The following CCDC38 variants were observed in gnomAD, a reference collection of about 807,000 sequenced individuals.
CCDC38 encodes the protein coiled-coil domain-containing protein 38.
CCDC38 carries 69 observed loss-of-function variants against 72.8 expected under a neutral mutation model. The observed-to-expected ratio is 0.95, with a 90% CI of 0.78 to 1.16. CCDC38 has a LOEUF of 1.16. CCDC38 is among the 50% of genes most tolerant of loss of function. The probability of loss-of-function intolerance (pLI) is 0.00; values close to 1 mark genes in which losing one functional copy is unlikely to be tolerated. For missense variants in CCDC38, 626 were observed against 638.9 expected (o/e 0.98, Z 0.22); for synonymous variants, 201 against 213.2 (o/e 0.94, Z 0.50).
intron 13 of CCDC38, among the ~76,000 whole-genome samples, chr12:95,873,678 T>C (rs2079606070): frequency 6.6e-6 from 1 of 152,232 alleles, no homozygotes; most frequent in Non-Finnish European, 1.5e-5. Flanking sequence ...CCCCATTTCC[T>C]GCTTCCACTC....
At chr12:95,917,981 T>C (rs2080164701) in intron 3 of CCDC38, among the ~76,000 whole-genome samples, 1 of 152,156 alleles carries the variant, frequency 6.6e-6, no homozygotes, top group Non-Finnish European at 1.5e-5. Flanking sequence ...TCATTCATCT[T>C]CTCTCAATTT....
intron 2 of CCDC38, among the ~76,000 whole-genome samples, chr12:95,926,233 T>C (rs2080269273): frequency 1.3e-5 from 2 of 148,860 alleles, no homozygotes; most frequent in Admixed American, 1.3e-4. Flanking sequence ...GTTATTGGTC[T>C]ATTCAGAGAT....
intron 10 of CCDC38, chr12:95,885,728 G>A (rs977035021): frequency 2.0e-5 from 3 of 152,382 alleles, no homozygotes; most frequent in African/African-American, 7.2e-5. Flanking sequence ...CCCACACAAA[G>A]TAAAACATGT....
At chr12:95,915,538 C>CA (rs2080135610) in intron 4 of CCDC38, among the ~76,000 whole-genome samples, 1 of 152,156 alleles carries the variant, frequency 6.6e-6, no homozygotes, top group South Asian at 2.1e-4. Context: ...ACTGCATACA[C>CA]AAAAAATTAA....
chr12:95,889,526 A>AC (rs914544610), intron 9 of CCDC38, among the ~76,000 whole-genome samples: 1 of 152,178 alleles, frequency 6.6e-6, no homozygotes, highest in Non-Finnish European at 1.5e-5. Flanking sequence ...AAGTGGCCTC[A>AC]CAACACAAAA....
intron 2 of CCDC38, among the ~76,000 whole-genome samples, chr12:95,929,765 C>A (rs1307353131): frequency 1.3e-5 from 2 of 152,152 alleles, no homozygotes; most frequent in East Asian, 3.8e-4. Flanking sequence ...TAAGATATCA[C>A]AAAATTGGTA....
At chr12:95,867,630 A>T (rs2079535719) in intron 15 of CCDC38, among the ~76,000 whole-genome samples, 1 of 152,200 alleles carries the variant, frequency 6.6e-6, no homozygotes, top group African/African-American at 2.4e-5. Context: ...AAGTCCAGAA[A>T]ACCATGTACC....
At chr12:95,883,762 C>T (rs1471804558) in intron 10 of CCDC38, among the ~76,000 whole-genome samples, 1 of 152,138 alleles carries the variant, frequency 6.6e-6, no homozygotes, top group Non-Finnish European at 1.5e-5. Flanking sequence ...TGTTGGGGCA[C>T]TCAATAAGTA....
chr12:95,869,451 T>C lies in CCDC38; in HGVS notation c.1578+29A>G, dbSNP rs746991298. On this transcript the variant is annotated intron_variant, in intron 15 of 15. Coordinates refer to ENST00000344280, the MANE Select transcript of CCDC38 (RefSeq NM_182496.3). ...TTGTATTTTGTATCACATATTGATATGGCTGGATCTATTAATAGCAAAACA... is the reference window on the plus strand; with the variant it reads ...TTGTATTTTGTATCACATATTGATACGGCTGGATCTATTAATAGCAAAACA... 6 of 1,529,080 alleles carry C rather than the reference T, an allele frequency of 3.9e-6. 1 individual carries two copies. The South Asian group carries it at 4.6e-5, about 12-fold the overall frequency. The allele number at this position is 1,529,080 out of a possible 1,614,324, so 94.7% of individuals were successfully genotyped here.
In CCDC38 at chr12:95,928,797, C is replaced by T. The variant is rs1472665921; in HGVS notation, c.37+7676G>A. Reference sequence around the variant, plus strand: ...CTGCAGGTCTGTTGGAGTACCCGGCCGTGTGAGGTGTCAGTGTGCCCCTGC... The same window carrying T: ...CTGCAGGTCTGTTGGAGTACCCGGCTGTGTGAGGTGTCAGTGTGCCCCTGC... On this transcript the variant is annotated intron_variant, in intron 2 of 15. Coordinates refer to ENST00000344280, the MANE Select transcript of CCDC38 (RefSeq NM_182496.3). Among the ~76,000 whole-genome samples the T allele has an allele frequency of 7.9e-5, 12 of 152,074 alleles. No homozygotes were observed. The East Asian group carries it at 2.3e-3, about 29-fold the overall frequency.
At chr12:95,870,008 G>C (rs985508889) in intron 14 of CCDC38, among the ~76,000 whole-genome samples, 20 of 152,026 alleles carry the variant, frequency 1.3e-4, no homozygotes, top group African/African-American at 4.8e-4. Flanking sequence ...ATTTTTAGTA[G>C]AGACGGGGTG....
intron 8 of CCDC38, among the ~76,000 whole-genome samples, chr12:95,893,665 G>A (rs1180080010): frequency 1.3e-5 from 2 of 151,818 alleles, no homozygotes; most frequent in Non-Finnish European, 2.9e-5. Context: ...GTTTTTTGTA[G>A]AGAAGGGGAT....
intron 2 of CCDC38, among the ~76,000 whole-genome samples, chr12:95,921,703 T>C (rs2080210644): frequency 6.6e-6 from 1 of 151,544 alleles, no homozygotes; most frequent in South Asian, 2.1e-4. Context: ...AGCCAAACCA[T>C]ATAACCAAGA....
At chr12:95,942,819 C>G (rs189689577), upstream of CCDC38, 218 of 152,998 alleles carry the variant, frequency 1.4e-3, 4 homozygotes, top group East Asian at 0.015. Flanking sequence ...AGGTTTCCCC[C>G]ACTCTGTCCT....
At chr12:95,925,562 A>T (rs921559489) in intron 2 of CCDC38, among the ~76,000 whole-genome samples, 1 of 152,188 alleles carries the variant, frequency 6.6e-6, no homozygotes, top group Non-Finnish European at 1.5e-5. Context: ...CCCTGGCCAG[A>T]ACTTCCAACA....
chr12:95,916,442 T>C (rs998284970), intron 4 of CCDC38, among the ~76,000 whole-genome samples: 7 of 150,642 alleles, frequency 4.6e-5, no homozygotes, highest in African/African-American at 1.5e-4. Context: ...ATTTTAAACT[T>C]TTTAATTTAA....
intron 9 of CCDC38, among the ~76,000 whole-genome samples, chr12:95,890,117 G>A (rs373609850): frequency 6.6e-6 from 1 of 152,066 alleles, no homozygotes; most frequent in African/African-American, 2.4e-5. Flanking sequence ...TTTCCATGCT[G>A]CCCAGGCTTG....
At chr12:95,889,949 C>T (rs1189747207) in intron 9 of CCDC38, among the ~76,000 whole-genome samples, 4 of 151,922 alleles carry the variant, frequency 2.6e-5, no homozygotes, top group African/African-American at 2.4e-5. Context: ...CTCCGTTACC[C>T]GGGCTGGAGT....
intron 15 of CCDC38, 85 bp from the exon 16 acceptor site, chr12:95,867,274 T>A (rs1372770511): frequency 1.4e-6 from 1 of 731,352 alleles, no homozygotes; most frequent in African/African-American, 1.8e-5. Flanking sequence ...AATATTAACT[T>A]GATTTTTACA....
Sources: allele counts gnomAD v4.1 joint callset (sites outside exome capture counted in the v4.1 genomes callset), GRCh38; gene constraint gnomAD v4.1.1; transcripts MANE v1.5; gene names NCBI Gene and HGNC (gene_info 2026-07-23, HGNC 2026-07-21).